The following PLEKHD1 variants were observed in gnomAD, a reference collection of about 807,000 sequenced individuals.
PLEKHD1 encodes the protein pleckstrin homology domain-containing family D member 1.
In PLEKHD1, 51 loss-of-function variants were observed where a neutral mutation model predicts 69.2. That is an observed-to-expected ratio of 0.74 (90% CI 0.59 to 0.93). The LOEUF (loss-of-function observed/expected upper bound fraction) is 0.93, where lower values mean the gene tolerates loss of function less well. Ranked by LOEUF, PLEKHD1 falls within the 40% of genes least tolerant of loss-of-function variation. The pLI, the probability that PLEKHD1 is intolerant of heterozygous loss-of-function variation, is 0.00. For synonymous variants in PLEKHD1, 236 were observed against 244.7 expected (o/e 0.96, Z 0.33); for missense variants, 584 against 641.0 (o/e 0.91, Z 0.96).
At chr14:69,501,209 C>T (rs1054105901) in intron 4 of PLEKHD1, 18 of 543,060 alleles carry the variant, frequency 3.3e-5, no homozygotes, top group Non-Finnish European at 5.6e-5. Flanking sequence ...GTATTTGATG[C>T]CTCCTGACAC....
Position 69,484,909 on chromosome 14 carries a change from T to TC in PLEKHD1, c.-54dup. The TC allele has an allele frequency of 2.0e-6, 3 of 1,529,028 alleles. No individual in the cohort carries two copies. Among genetic ancestry groups the TC allele is most frequent in the Non-Finnish European group, 2.6e-6 (3 of 1,132,452 alleles). The allele number at this position is 1,529,028 out of a possible 1,614,324, so 94.7% of individuals were successfully genotyped here. ...CTCCGCCCTCGCCTCTCGCCCCGAG[T>TC]CCCTGCTGACCCCGGGGAGGTGGGG... is the stretch of plus-strand genomic sequence containing the variant. On this transcript the variant is annotated 5_prime_UTR_variant, in exon 1 of 13. An upstream open reading frame in the 5' UTR gains an earlier in-frame stop. Coordinates refer to ENST00000322564, the MANE Select transcript of PLEKHD1 (RefSeq NM_001161498.2).
intron 6 of PLEKHD1, among the ~76,000 whole-genome samples, chr14:69,516,314 T>C (rs1252599960): frequency 6.6e-6 from 1 of 151,562 alleles, no homozygotes; most frequent in Admixed American, 6.6e-5. Context: ...TTATCCATAA[T>C]CCCATAATTG....
chr14:69,470,429 C>T, the PLEKHD1 span, among the ~76,000 whole-genome samples: 1 of 150,156 alleles, frequency 6.7e-6, no homozygotes, highest in African/African-American at 2.5e-5. Flanking sequence ...TGCCACTGCA[C>T]TCCAGCCTGG....
the PLEKHD1 span, among the ~76,000 whole-genome samples, chr14:69,470,020 C>T: frequency 1.3e-5 from 2 of 151,940 alleles, no homozygotes; most frequent in Non-Finnish European, 2.9e-5. Context: ...CCGTGCCCTG[C>T]CAAGTTGTCT....
the PLEKHD1 span, among the ~76,000 whole-genome samples, chr14:69,473,018 C>T: frequency 2.0e-5 from 3 of 152,156 alleles, no homozygotes; most frequent in Non-Finnish European, 4.4e-5. Context: ...GATCCATCAC[C>T]GTCTCCCATC....
At chr14:69,522,908 G>A (rs1192477458) in intron 7 of PLEKHD1, among the ~76,000 whole-genome samples, 1 of 151,810 alleles carries the variant, frequency 6.6e-6, no homozygotes, top group Non-Finnish European at 1.5e-5. Context: ...CTATATACAT[G>A]TATATATGTA....
At chr14:69,476,466 G>A in the PLEKHD1 span, among the ~76,000 whole-genome samples, 283 of 152,102 alleles carry the variant, frequency 1.9e-3, 3 homozygotes, top group Middle Eastern at 6.8e-3. Context: ...TTGGGAGGCC[G>A]AGGAGAGAGG....
rs1285334021 is a variant in PLEKHD1 at position 69,502,911 on chromosome 14, G to A, written c.555+32G>A. The A allele has an allele frequency of 1.7e-5, 27 of 1,550,246 alleles. No individual in the cohort carries two copies. In the South Asian group the frequency reaches 2.3e-4, roughly 13 times the overall value. ...GCACACCAAGGGGCTCTCAGCAGCC[G>A]TGGTGTAATGGCTCACGTTTCTAGC... On this transcript the variant is annotated intron_variant, in intron 6 of 12. Transcript: ENST00000322564.
At chr14:69,518,423 G>C (rs1296775237) in intron 6 of PLEKHD1, among the ~76,000 whole-genome samples, 1 of 152,108 alleles carries the variant, frequency 6.6e-6, no homozygotes, top group Non-Finnish European at 1.5e-5. Flanking sequence ...CATATCCTCA[G>C]TGCATAGCTT....
Position 69,500,627 on chromosome 14 carries a change from C to T in PLEKHD1, c.294C>T (p.Ser98=). The change falls in exon 3 of 13, where the codon AGC becomes AGT. Residue 98 remains serine (S), a synonymous_variant. Coordinates refer to ENST00000322564, the MANE Select transcript of PLEKHD1 (RefSeq NM_001161498.2). ...TGGTGGAGCCCAAGGAAGAGCCTAG[C>T]ATGCCCTATGCCATGAAGATCTCCC... ...GCLVEPKEEP[S]MPYAMKISHQ... The T allele has an allele frequency of 6.4e-7, 1 of 1,551,446 alleles. No homozygotes were observed. Among genetic ancestry groups the T allele is most frequent in the South Asian group, 1.2e-5 (1 of 84,016 alleles).
At chr14:69,485,297 A>T (rs915025474) in intron 1 of PLEKHD1, among the ~76,000 whole-genome samples, 183 bp downstream of exon 1, 3 of 152,192 alleles carry the variant, frequency 2.0e-5, no homozygotes, top group Non-Finnish European at 2.9e-5. Context: ...GGGAGAATGG[A>T]GATGGGGCCC....
intron 1 of PLEKHD1, among the ~76,000 whole-genome samples, chr14:69,490,335 G>A (rs1013180303): frequency 1.3e-5 from 2 of 152,188 alleles, no homozygotes; most frequent in African/African-American, 2.4e-5. Context: ...TTACAAAAGG[G>A]TTGGTGCTCC....
rs1300100999 is a variant in PLEKHD1, at chr14:69,526,099, G to C, written c.900G>C (p.Glu300Asp). 4.5e-6 allele frequency: 7 copies of C among 1,550,856 alleles called. No homozygotes were observed. In the South Asian group the frequency reaches 8.3e-5, roughly 18 times the overall value. The change falls in exon 9 of 13, where the codon GAG becomes GAC. Residue 300 changes from glutamate to aspartate, a missense_variant. Transcript: ENST00000322564. ...AGGAGAAGATGCAGCAGCTCTTAGA[G>C]GAGAAGCTCCTGGCAGAGAAGCGGT... ...QIEEKMQQLLEEKLLAEKRMK... is the reference protein window; with the variant it reads ...QIEEKMQQLLDEKLLAEKRMK...
the PLEKHD1 span, among the ~76,000 whole-genome samples, chr14:69,476,190 G>T: frequency 6.8e-6 from 1 of 148,062 alleles, no homozygotes; most frequent in Non-Finnish European, 1.5e-5. Flanking sequence ...CCCAGGAGGT[G>T]GAAGTTGCAG....
upstream of PLEKHD1, among the ~76,000 whole-genome samples, chr14:69,484,299 C>G (rs1377730089): frequency 6.6e-6 from 1 of 152,228 alleles, no homozygotes; most frequent in South Asian, 2.1e-4. Context: ...GTAGGAATTG[C>G]GGTGGAATTC....
At chr14:69,482,012 G>C (rs1882549901), upstream of PLEKHD1, among the ~76,000 whole-genome samples, 1 of 152,028 alleles carries the variant, frequency 6.6e-6, no homozygotes, top group African/African-American at 2.4e-5. Flanking sequence ...ACCTGGTGCA[G>C]TCTGGGCTGG....
At chr14:69,521,162 C>A (rs1398271531) in intron 6 of PLEKHD1, among the ~76,000 whole-genome samples, 1 of 152,050 alleles carries the variant, frequency 6.6e-6, no homozygotes. Flanking sequence ...AATAATAATA[C>A]CAGTGAGCAG....
In PLEKHD1 at chr14:69,521,616, C is replaced by G. The variant is rs530970356; in HGVS notation, c.556-667C>G. ...CCCCCCAATGCCACCTGCCACTGAA[C>G]CCCAGGAAAAGAGGACTCCTGGAGG... On this transcript the variant is annotated intron_variant, in intron 6 of 12. Coordinates refer to ENST00000322564, the MANE Select transcript of PLEKHD1 (RefSeq NM_001161498.2). Among the ~76,000 whole-genome samples the G allele has an allele frequency of 3.9e-5, 6 of 152,304 alleles. 1 individual carries two copies. Among genetic ancestry groups the G allele is most frequent in the African/African-American group, 1.4e-4 (6 of 41,584 alleles).
At chr14:69,477,355 G>C in the PLEKHD1 span, among the ~76,000 whole-genome samples, 1 of 152,298 alleles carries the variant, frequency 6.6e-6, no homozygotes, top group Admixed American at 6.5e-5. Context: ...AATTCAAGAT[G>C]AGATTTGGGT....
Sources: gnomAD v4.1 joint callset for allele counts (sites outside exome capture counted in the v4.1 genomes callset) on GRCh38, gnomAD v4.1.1 for gene constraint, MANE v1.5 for transcripts, NCBI Gene and HGNC (gene_info 2026-07-23, HGNC 2026-07-21) for gene names.